The following CCBE1 variants were observed in gnomAD, a reference collection of about 807,000 sequenced individuals.
CCBE1 encodes collagen and calcium binding EGF domains 1, also known as collagen and calcium-binding EGF domain-containing protein 1.
Under a neutral mutation model 50.0 loss-of-function variants are expected in CCBE1, and 37 were observed. The observed-to-expected ratio is 0.74, with a 90% CI of 0.57 to 0.97. CCBE1 has a LOEUF of 0.97. CCBE1 is among the 50% of genes least tolerant of loss of function. The pLI is 0.00. For missense variants in CCBE1, 538 were observed against 523.8 expected (o/e 1.03, Z -0.26); for synonymous variants, 234 against 203.7 (o/e 1.15, Z -1.27).
chr18:59,594,308 A>G (rs1191640088), intron 2 of CCBE1, among the ~76,000 whole-genome samples: 1 of 152,270 alleles, frequency 6.6e-6, no homozygotes, highest in Non-Finnish European at 1.5e-5. Flanking sequence ...AGATCTAATT[A>G]CAATATTTAA....
chr18:59,527,922 A>T (rs1914893367), intron 2 of CCBE1, among the ~76,000 whole-genome samples: 2 of 151,986 alleles, frequency 1.3e-5, no homozygotes, highest in Admixed American at 1.3e-4. Flanking sequence ...TTTTTCCTGC[A>T]TTTCAACCTT....
At chr18:59,628,103 A>G (rs533961970) in intron 2 of CCBE1, among the ~76,000 whole-genome samples, 41 of 152,140 alleles carry the variant, frequency 2.7e-4, no homozygotes, top group South Asian at 8.3e-4. Flanking sequence ...AGTCCCAGCT[A>G]CTCGGGAGGC....
rs547490373 is a variant in CCBE1, at chr18:59,525,795, C to T, written c.213-45557G>A. Among the ~76,000 whole-genome samples the T allele has an allele frequency of 5.9e-5, 9 of 152,166 alleles. No homozygotes were observed. The East Asian group carries it at 1.2e-3, about 20-fold the overall frequency. On this transcript the variant is annotated intron_variant, in intron 2 of 10. Coordinates refer to ENST00000439986, the MANE Select transcript of CCBE1 (RefSeq NM_133459.4). ...AAGGTGTAATGAAGGGGTCCAGTTTCGATTTTCTGCATATGACTAGCCAGT... is the reference window on the plus strand; with the variant it reads ...AAGGTGTAATGAAGGGGTCCAGTTTTGATTTTCTGCATATGACTAGCCAGT...
chr18:59,628,412 T>G (rs1313146232), intron 2 of CCBE1, among the ~76,000 whole-genome samples: 1 of 152,156 alleles, frequency 6.6e-6, no homozygotes, highest in Non-Finnish European at 1.5e-5. Flanking sequence ...CCAGTCTTAC[T>G]GCCCCTACTC....
At chr18:59,470,620 G>A (rs2589012) in intron 3 of CCBE1, among the ~76,000 whole-genome samples, 64,028 of 151,578 alleles carry the variant, frequency 0.42, 13,707 homozygotes, top group South Asian at 0.51. Context: ...TACTCATAAA[G>A]AATTAGGGCA....
At chr18:59,661,814 A>G (rs1271746238) in intron 2 of CCBE1, among the ~76,000 whole-genome samples, 2 of 151,966 alleles carry the variant, frequency 1.3e-5, no homozygotes, top group African/African-American at 4.8e-5. Flanking sequence ...CTAAAATACA[A>G]AAACTAGCGG....
At chr18:59,481,618 C>T (rs1019624947) in intron 2 of CCBE1, among the ~76,000 whole-genome samples, 10 of 152,116 alleles carry the variant, frequency 6.6e-5, no homozygotes, top group African/African-American at 1.4e-4. Flanking sequence ...TTAATAACCA[C>T]GAACCTCTCA....
chr18:59,464,441 CA>C (rs1275564788), intron 5 of CCBE1, among the ~76,000 whole-genome samples: 2 of 152,080 alleles, frequency 1.3e-5, no homozygotes, highest in African/African-American at 4.8e-5. Flanking sequence ...GTCTCAAAAA[CA>C]AAACAAAACA....
chr18:59,465,310 T>A (rs867967584), intron 5 of CCBE1: 1 of 151,472 alleles, frequency 6.6e-6, no homozygotes, highest in African/African-American at 2.4e-5. Context: ...TGATATTAGT[T>A]TAGGGGCTCT....
intron 2 of CCBE1, among the ~76,000 whole-genome samples, chr18:59,492,293 T>C (rs1913148324): frequency 6.6e-6 from 1 of 152,160 alleles, no homozygotes; most frequent in South Asian, 2.1e-4. Flanking sequence ...AGCTGCGTTT[T>C]CAGGTCACTA....
intron 2 of CCBE1, among the ~76,000 whole-genome samples, chr18:59,583,339 A>C: frequency 6.6e-6 from 1 of 152,222 alleles, no homozygotes; most frequent in East Asian, 1.9e-4. Flanking sequence ...AGAGATTCTC[A>C]TGGATGAAAA....
At chr18:59,518,719 G>A (rs950908944) in intron 2 of CCBE1, among the ~76,000 whole-genome samples, 4 of 152,152 alleles carry the variant, frequency 2.6e-5, no homozygotes, top group Non-Finnish European at 5.9e-5. Context: ...CATCCCCTCT[G>A]TCCTCACACT....
chr18:59,677,343 C>T (rs1321931279), intron 2 of CCBE1, among the ~76,000 whole-genome samples: 3 of 152,178 alleles, frequency 2.0e-5, no homozygotes, highest in African/African-American at 7.2e-5. Flanking sequence ...ATTCAGACCA[C>T]AAGCTAGAGC....
chr18:59,518,245 C>T (rs1251658120), intron 2 of CCBE1, among the ~76,000 whole-genome samples: 1 of 152,182 alleles, frequency 6.6e-6, no homozygotes, highest in African/African-American at 2.4e-5. Flanking sequence ...TCCCAACACT[C>T]TGGGAGGCCG....
chr18:59,506,490 C>G (rs1416693361), intron 2 of CCBE1, among the ~76,000 whole-genome samples: 1 of 152,232 alleles, frequency 6.6e-6, no homozygotes, highest in Non-Finnish European at 1.5e-5. Context: ...GGAGAGGTAA[C>G]CAACCCCAGC....
At chr18:59,696,596 G>A in intron 2 of CCBE1, 33 bp downstream of exon 2, 8 of 1,612,592 alleles carry the variant, frequency 5.0e-6, no homozygotes, top group Non-Finnish European at 5.1e-6. Flanking sequence ...CCGGTGCGCA[G>A]TGGCGAACAG....
At chr18:59,638,571 A>G (rs1222034033) in intron 2 of CCBE1, among the ~76,000 whole-genome samples, 1 of 152,212 alleles carries the variant, frequency 6.6e-6, no homozygotes, top group Non-Finnish European at 1.5e-5. Context: ...TGCACACTGA[A>G]GTTTGAGAAC....
In CCBE1 at chr18:59,606,233, G is replaced by T. The variant is rs571777991; in HGVS notation, c.212+90396C>A. On this transcript the variant is annotated intron_variant, in intron 2 of 10. Coordinates refer to ENST00000439986, the MANE Select transcript of CCBE1 (RefSeq NM_133459.4). ...TCCATGAGAGACCTTAGAGGCATTA[G>T]AACTCCCACAGATTGGTTTTTTACT... 2.6e-5 allele frequency among the ~76,000 whole-genome samples: 4 copies of T among 152,326 alleles called. No individual in the cohort carries two copies. The South Asian group carries it at 8.3e-4, about 32-fold the overall frequency.
At chr18:59,480,139 G>C (rs775550916) in intron 3 of CCBE1, 47 bp downstream of exon 3, 1 of 1,147,956 alleles carries the variant, frequency 8.7e-7, no homozygotes, top group African/African-American at 1.5e-5. Flanking sequence ...GACTTTGAAT[G>C]ATTAGTTGTG....
Sources: allele counts gnomAD v4.1 joint callset (sites outside exome capture counted in the v4.1 genomes callset), GRCh38; gene constraint gnomAD v4.1.1; transcripts MANE v1.5; gene names NCBI Gene and HGNC (gene_info 2026-07-23, HGNC 2026-07-21).